Variants in KCNJ3 observed in about 807,000 individuals in gnomAD.
The protein encoded by KCNJ3 is G protein-activated inward rectifier potassium channel 1.
A neutral mutation model predicts 39.2 loss-of-function variants in KCNJ3; 4 were observed. The observed-to-expected ratio is 0.10, with a 90% CI of 0.05 to 0.23. KCNJ3 has a LOEUF of 0.23. Among genes scored for constraint, KCNJ3 ranks in the 10% least tolerant of loss-of-function variants. KCNJ3 has a pLI of 1.00. For missense variants in KCNJ3, 276 were observed against 634.9 expected, an observed-to-expected ratio of 0.43 and a Z score of 6.08; for synonymous variants, 230 against 237.4, an observed-to-expected ratio of 0.97 and a Z score of 0.29.
intron 2 of KCNJ3, among the ~76,000 whole-genome samples, chr2:154,717,436 T>C (rs1685200361): frequency 1.3e-5 from 2 of 152,150 alleles, no homozygotes; most frequent in Non-Finnish European, 2.9e-5. Context: ...ACAGCCCAGT[T>C]ATTAAGCTGT....
rs140946944 is a variant in KCNJ3 at position 154,762,780 on chromosome 2, G to A, written c.919+52961G>A. 3.0e-4 allele frequency among the ~76,000 whole-genome samples: 46 copies of A among 152,302 alleles called. No homozygotes were observed. In the East Asian group the frequency reaches 8.7e-3, roughly 29 times the overall value. Reference sequence around the variant, plus strand: ...AAACAAATTGGTAATGACAATGGATGTGAGACTCTTTTAACTGTTGCTATT... The same window carrying A: ...AAACAAATTGGTAATGACAATGGATATGAGACTCTTTTAACTGTTGCTATT... On this transcript the variant is annotated intron_variant, in intron 2 of 2. Coordinates refer to ENST00000295101, the MANE Select transcript of KCNJ3 (RefSeq NM_002239.4).
chr2:154,699,587 A>C lies in KCNJ3; in HGVS notation c.702+110A>C, dbSNP rs923566678. 3 of 1,447,628 alleles carry C rather than the reference A, an allele frequency of 2.1e-6. No homozygotes were observed. Among genetic ancestry groups the C allele is most frequent in the Non-Finnish European group, 2.7e-6 (3 of 1,102,240 alleles). The allele number at this position is 1,447,628 out of a possible 1,614,324, so 89.7% of individuals were successfully genotyped here. On this transcript the variant is annotated intron_variant, in intron 1 of 2. Coordinates refer to ENST00000295101, the MANE Select transcript of KCNJ3 (RefSeq NM_002239.4). The surrounding 1 kb of genome is among the most constrained non-coding windows in gnomAD (Gnocchi z 6.4). ...CCCTCCCCTGGTTCTACCTATAGCC[A>C]CAGGTAAACTTCCTTTTGGGGGGTT...
chr2:154,736,993 G>C (rs1176201385), intron 2 of KCNJ3, among the ~76,000 whole-genome samples: 1 of 152,158 alleles, frequency 6.6e-6, no homozygotes, highest in Non-Finnish European at 1.5e-5. Flanking sequence ...CAAAACATCA[G>C]GGAGGGGAGA....
intron 1 of KCNJ3, 146 bp from the exon 2 acceptor site, chr2:154,709,457 A>G (rs967557181): frequency 3.8e-6 from 3 of 784,696 alleles, no homozygotes; most frequent in Admixed American, 2.9e-5. Flanking sequence ...CATTTGCTAG[A>G]ACATAGTTGC....
chr2:154,740,440 G>C (rs1231741230), intron 2 of KCNJ3, among the ~76,000 whole-genome samples: 1 of 151,960 alleles, frequency 6.6e-6, no homozygotes, highest in African/African-American at 2.4e-5. Flanking sequence ...ATTAAGGAGG[G>C]AGTTTTGTTT....
At chr2:154,784,278 C>T (rs1211087117) in intron 2 of KCNJ3, among the ~76,000 whole-genome samples, 2 of 152,130 alleles carry the variant, frequency 1.3e-5, no homozygotes, top group Non-Finnish European at 2.9e-5. Flanking sequence ...AAGATCTTTG[C>T]GTTTTGTAAA....
intron 1 of KCNJ3, 21 bp from the exon 2 acceptor site, chr2:154,709,582 T>C (rs1273217610): frequency 6.2e-7 from 1 of 1,606,060 alleles, no homozygotes; most frequent in South Asian, 1.1e-5. Context: ...ATTTCTTCTC[T>C]TTTTCTGTGT....
intron 2 of KCNJ3, among the ~76,000 whole-genome samples, chr2:154,768,822 T>C (rs1274849255): frequency 1.3e-5 from 2 of 152,258 alleles, no homozygotes; most frequent in Non-Finnish European, 2.9e-5. Flanking sequence ...TCCATGAGCA[T>C]GGAATGTTCT....
At chr2:154,770,328 A>G (rs1225661842) in intron 2 of KCNJ3, among the ~76,000 whole-genome samples, 1 of 152,228 alleles carries the variant, frequency 6.6e-6, no homozygotes, top group African/African-American at 2.4e-5. Context: ...AAAGAGGAGT[A>G]GAATTCATGT....
chr2:154,698,700 C>CCCT lies in KCNJ3; in HGVS notation c.-76_-75insCCT. 5 of 856,928 alleles carry CCCT rather than the reference C, an allele frequency of 5.8e-6. No homozygotes were observed. The highest frequency in any genetic ancestry group is 9.4e-6 in the Non-Finnish European group (5 of 533,712). The allele number at this position is 856,928 out of a possible 1,614,324, so 53.1% of individuals were successfully genotyped here. ...CCCTTTCCTCCCCCGCCCCCACCTC[C>CCCT]TTATTGGTGCTAGTTTGCAGCGCCC... On this transcript the variant is annotated 5_prime_UTR_variant, in exon 1 of 3. Coordinates refer to ENST00000295101, the MANE Select transcript of KCNJ3 (RefSeq NM_002239.4).
chr2:154,707,367 T>C (rs369146910), intron 1 of KCNJ3, among the ~76,000 whole-genome samples: 1 of 152,188 alleles, frequency 6.6e-6, no homozygotes, highest in East Asian at 1.9e-4. Flanking sequence ...CCAAAATTAC[T>C]TATGTCTGAA....
At chr2:154,849,732 A>T (rs934012883) in intron 2 of KCNJ3, among the ~76,000 whole-genome samples, 8 of 152,206 alleles carry the variant, frequency 5.3e-5, no homozygotes, top group Non-Finnish European at 8.8e-5. Flanking sequence ...TGAAAGTTTA[A>T]TTAAGGACTT....
At chr2:154,790,798 A>AT (rs1686616040) in intron 2 of KCNJ3, among the ~76,000 whole-genome samples, 1 of 152,056 alleles carries the variant, frequency 6.6e-6, no homozygotes, top group South Asian at 2.1e-4. Flanking sequence ...GACGTATGGA[A>AT]TATACAGCAG....
rs1979004 is a variant in KCNJ3, at chr2:154,856,909, T to C, written c.*1596T>C. The stretch of plus-strand genomic sequence containing the variant: ...TTGTAATTCCAGTCTGCCCCAACTT[T>C]AAAAAAAATTCTTATTAATATGTCA... On this transcript the variant is annotated 3_prime_UTR_variant, in exon 3 of 3. Coordinates refer to ENST00000295101, the MANE Select transcript of KCNJ3 (RefSeq NM_002239.4). 3 of 151,882 alleles carry C rather than the reference T, an allele frequency of 2.0e-5. No homozygotes were observed. Among genetic ancestry groups the C allele is most frequent in the African/African-American group, 7.3e-5 (3 of 41,344 alleles). The allele number at this position is 151,882 out of a possible 1,614,324, so 9.4% of individuals were successfully genotyped here. A position where few individuals can be genotyped will look rare whatever the true frequency, so the allele number is the denominator to read the frequency against.
intron 2 of KCNJ3, among the ~76,000 whole-genome samples, chr2:154,849,046 TAG>T: frequency 6.6e-6 from 1 of 152,288 alleles, no homozygotes; most frequent in Middle Eastern, 3.4e-3. Context: ...TACTACTTGA[TAG>T]AGAGATGAGA....
intron 2 of KCNJ3, among the ~76,000 whole-genome samples, chr2:154,838,206 T>G (rs1489582570): frequency 6.6e-6 from 1 of 152,142 alleles, no homozygotes; most frequent in Non-Finnish European, 1.5e-5. Flanking sequence ...TGAGGAGTTA[T>G]GTCAACAGGT....
intron 2 of KCNJ3, among the ~76,000 whole-genome samples, chr2:154,819,792 G>A (rs1045073562): frequency 2.0e-5 from 3 of 151,928 alleles, no homozygotes; most frequent in African/African-American, 4.8e-5. Context: ...CCCTCCCAAA[G>A]TGCTGGGATT....
At chr2:154,707,294 A>G (rs577575571) in intron 1 of KCNJ3, among the ~76,000 whole-genome samples, 2,713 of 152,132 alleles carry the variant, frequency 0.018, 66 homozygotes, top group African/African-American at 0.062. Flanking sequence ...GAGTGTATAG[A>G]GCAAATATTT....
chr2:154,723,159 C>T (rs914703860), intron 2 of KCNJ3, among the ~76,000 whole-genome samples: 1 of 152,028 alleles, frequency 6.6e-6, no homozygotes, highest in Admixed American at 6.6e-5. Context: ...GTGGCACGTG[C>T]CTGTGATCCC....
Sources: allele counts gnomAD v4.1 joint callset (sites outside exome capture counted in the v4.1 genomes callset), GRCh38; gene constraint gnomAD v4.1.1; non-coding constraint Gnocchi (gnomAD v3.1); transcripts MANE v1.5; gene names NCBI Gene and HGNC (gene_info 2026-07-23, HGNC 2026-07-21).